UGT1A3: variants seen among roughly 807,000 people sequenced by gnomAD.
UGT1A3 encodes the protein UDP glucuronosyltransferase family 1 member A3, also known as UDP-glucuronosyltransferase 1A3.
Under a neutral mutation model 41.0 loss-of-function variants are expected in UGT1A3, and 31 were observed. The observed-to-expected ratio is 0.76, with a 90% confidence interval of 0.57 to 1.02. The LOEUF (loss-of-function observed/expected upper bound fraction) is 1.02, where lower values mean the gene tolerates loss of function less well. Among genes scored for constraint, UGT1A3 ranks in the 50% least tolerant of loss-of-function variants. UGT1A3 has a pLI of 0.00. For missense variants in UGT1A3, 737 were observed against 671.0 expected, an observed-to-expected ratio of 1.10 and a Z score of -1.09; for synonymous variants, 262 against 257.6, an observed-to-expected ratio of 1.02 and a Z score of -0.17.
intron 1 of UGT1A3, among the ~76,000 whole-genome samples, chr2:233,738,401 T>G (rs1318254464): frequency 6.6e-6 from 1 of 152,210 alleles, no homozygotes; most frequent in African/African-American, 2.4e-5. Context: ...GACTTGGAAC[T>G]GGGTAACAGG....
At chr2:233,738,377 G>A (rs1404110801) in intron 1 of UGT1A3, among the ~76,000 whole-genome samples, 2 of 152,188 alleles carry the variant, frequency 1.3e-5, no homozygotes, top group Admixed American at 1.3e-4. Flanking sequence ...AAAACTACTT[G>A]AAAATGTGGA....
chr2:233,743,704 C>A (rs773531190), intron 1 of UGT1A3: 3 of 1,367,360 alleles, frequency 2.2e-6, no homozygotes, highest in Non-Finnish European at 2.9e-6. Context: ...CCTCCGCCCC[C>A]GCCTCGCCAT....
At chr2:233,765,000 T>A (rs907940038) in intron 1 of UGT1A3, among the ~76,000 whole-genome samples, 1 of 152,020 alleles carries the variant, frequency 6.6e-6, no homozygotes. Context: ...TTCCTGGTCA[T>A]GTTCCAAATC....
At chr2:233,764,179 C>T (rs1420569842) in intron 1 of UGT1A3, among the ~76,000 whole-genome samples, 1 of 152,170 alleles carries the variant, frequency 6.6e-6, no homozygotes. Flanking sequence ...CAGGGAAATT[C>T]TCTCATTCAG....
rs530894832 is a variant in UGT1A3, at chr2:233,736,505, A to T, written c.867+6512A>T. 2.0e-5 allele frequency among the ~76,000 whole-genome samples: 3 copies of T among 152,320 alleles called. No individual in the cohort carries two copies. The East Asian group carries it at 5.8e-4, about 29-fold the overall frequency. On this transcript the variant is annotated intron_variant, in intron 1 of 4. Transcript: ENST00000482026. ...TGTTACTACCAAACTTCTGAAGCCT[A>T]CTTCTGTCAACTCGTCAAAGTCATT... is the stretch of plus-strand genomic sequence containing the variant.
chr2:233,731,227 AT>A (rs2078124721), intron 1 of UGT1A3, among the ~76,000 whole-genome samples: 1 of 151,928 alleles, frequency 6.6e-6, no homozygotes, highest in Non-Finnish European at 1.5e-5. Flanking sequence ...ATTTGTAAAA[AT>A]GTTGAAAAGT....
rs777238544 is a variant in UGT1A3, at chr2:233,768,345, A to G, written c.1213A>G (p.Met405Val). ...FGDQMDNAKRMETKGAGVTLN... is the reference protein window; with the variant it reads ...FGDQMDNAKRVETKGAGVTLN... ...TGATCAGATGGACAATGCAAAGCGC[A>G]TGGAGACTAAGGGAGCTGGAGTGAC... Residue 405 changes from methionine (M) to valine (V), a missense_variant, in exon 4 of 5, where the codon ATG (methionine) becomes GTG (valine). Coordinates refer to ENST00000482026, the MANE Select transcript of UGT1A3 (RefSeq NM_019093.4). 3 of 1,614,098 alleles carry G rather than the reference A, an allele frequency of 1.9e-6. No individual in the cohort carries two copies. Among genetic ancestry groups the G allele is most frequent in the Non-Finnish European group, 2.5e-6 (3 of 1,180,044 alleles).
chr2:233,743,310 G>T, intron 1 of UGT1A3: 2 of 644,780 alleles, frequency 3.1e-6, no homozygotes, highest in Non-Finnish European at 5.0e-6. Context: ...TCTTGGTGGT[G>T]ATTTTTTTAC....
At position 233,757,541 on chromosome 2, in the gene UGT1A3, T is replaced by TATACATATAC. The variant is rs1229454769; in HGVS notation, c.868-9490_868-9489insCATATACATA. ...CAAAATCTTGCCTGTAAGGAATATA[T>TATACATATAC]ATATATATATATATATATATGTATA... On this transcript the variant is annotated intron_variant, in intron 1 of 4. Transcript: ENST00000482026. Among the ~76,000 whole-genome samples the TATACATATAC allele has an allele frequency of 5.2e-3, 611 of 117,548 alleles. 31 individuals carry two copies. Among genetic ancestry groups the TATACATATAC allele is most frequent in the Admixed American group, 0.029 (361 of 12,346 alleles). The allele number at this position is 117,548 out of a possible 152,430, so 77.1% of individuals were successfully genotyped here.
chr2:233,748,002 G>T, intron 1 of UGT1A3: 1 of 1,613,500 alleles, frequency 6.2e-7, no homozygotes, highest in Non-Finnish European at 8.5e-7. Context: ...CTTTGTGATG[G>T]ATTACCCCAG....
intron 1 of UGT1A3, among the ~76,000 whole-genome samples, chr2:233,761,952 C>G (rs1458039003): frequency 6.6e-6 from 1 of 152,184 alleles, no homozygotes; most frequent in Non-Finnish European, 1.5e-5. Context: ...CGTCTGGCTC[C>G]CATTAAGGGG....
intron 1 of UGT1A3, chr2:233,760,624 T>G (rs1305127348): frequency 6.2e-7 from 1 of 1,614,172 alleles, no homozygotes; most frequent in Non-Finnish European, 8.5e-7. Flanking sequence ...GATCAAAACA[T>G]ACAAGAAAAT....
rs368401609 is a variant in UGT1A3 at position 233,757,130 on chromosome 2, G to C, written c.868-9904G>C. 6.6e-5 allele frequency among the ~76,000 whole-genome samples: 10 copies of C among 151,528 alleles called. No homozygotes were observed. The East Asian group carries it at 9.8e-4, about 15-fold the overall frequency. ...AGCAGAAGGGCTAGAGAGGAGGAAT[G>C]AGCTTGGACAGGTGGGCTGGGGTCT... On this transcript the variant is annotated intron_variant, in intron 1 of 4. Coordinates refer to ENST00000482026, the MANE Select transcript of UGT1A3 (RefSeq NM_019093.4).
At chr2:233,755,222 G>A in intron 1 of UGT1A3, 1 of 994,216 alleles carries the variant, frequency 1.0e-6, no homozygotes, top group Admixed American at 1.9e-5. Flanking sequence ...TGATACCCTC[G>A]GACGAGGCCT....
intron 1 of UGT1A3, chr2:233,747,309 G>A: frequency 7.5e-6 from 12 of 1,603,078 alleles, no homozygotes; most frequent in Non-Finnish European, 1.0e-5. Context: ...GGAAGGTGCT[G>A]GTGGTACCCA....
At chr2:233,767,790 T>C in intron 2 of UGT1A3, 59 bp from the exon 3 acceptor site, 1 of 1,614,008 alleles carries the variant, frequency 6.2e-7, no homozygotes, top group Non-Finnish European at 8.5e-7. Flanking sequence ...GTATAGCAGA[T>C]TTGTTTTCTA....
At chr2:233,754,446 C>T in intron 1 of UGT1A3, 1 of 350,362 alleles carries the variant, frequency 2.9e-6, no homozygotes, top group Non-Finnish European at 5.6e-6. Context: ...TTTATAAATT[C>T]TTGGGTACAG....
At chr2:233,762,564 C>T (rs537495402) in intron 1 of UGT1A3, among the ~76,000 whole-genome samples, 6 of 152,312 alleles carry the variant, frequency 3.9e-5, no homozygotes, top group African/African-American at 1.4e-4. Context: ...GAGATCTAGT[C>T]TAGTTCCCCA....
chr2:233,747,514 T>C, intron 1 of UGT1A3: 2 of 1,607,704 alleles, frequency 1.2e-6, no homozygotes, highest in Non-Finnish European at 1.7e-6. Context: ...CAACTGTACT[T>C]TGAAACAGAA....
Sources: gnomAD v4.1 joint callset for allele counts (sites outside exome capture counted in the v4.1 genomes callset) on GRCh38, gnomAD v4.1.1 for gene constraint, MANE v1.5 for transcripts, NCBI Gene and HGNC (gene_info 2026-07-23, HGNC 2026-07-21) for gene names.